The following TENM4 variants were observed in gnomAD, a reference collection of about 807,000 sequenced individuals.
The protein encoded by TENM4 is teneurin-4.
TENM4 carries 82 observed loss-of-function variants against 243.3 expected under a neutral mutation model. That is an observed-to-expected ratio of 0.34 (90% CI 0.28 to 0.40). The LOEUF is 0.40. Among genes scored for constraint, TENM4 ranks in the 10% least tolerant of loss-of-function variants. The pLI, the probability that TENM4 is intolerant of heterozygous loss-of-function variation, is 1.00. For missense variants in TENM4, 3,138 were observed against 3,673.3 expected, an observed-to-expected ratio of 0.85 and a Z score of 3.77; for synonymous variants, 1,412 against 1,456.3, an observed-to-expected ratio of 0.97 and a Z score of 0.69.
In TENM4 at chr11:78,745,569, A is replaced by G. The variant is rs575657630; in HGVS notation, c.2757-6999T>C. On this transcript the variant is annotated intron_variant, in intron 19 of 33. Coordinates refer to ENST00000278550, the MANE Select transcript of TENM4 (RefSeq NM_001098816.3). Reference sequence around the variant, plus strand: ...TGTGGAGTAGATCTTGATCTCCCTCAGAATGCCTCATGTGCTGGTCCAGAC... The same window carrying G: ...TGTGGAGTAGATCTTGATCTCCCTCGGAATGCCTCATGTGCTGGTCCAGAC... Among the ~76,000 whole-genome samples the G allele has an allele frequency of 1.1e-4, 17 of 152,294 alleles. No individual in the cohort carries two copies. The South Asian group carries it at 1.2e-3, about 11-fold the overall frequency.
intron 3 of TENM4, among the ~76,000 whole-genome samples, chr11:79,203,639 G>T (rs1339648055): frequency 6.6e-6 from 1 of 152,214 alleles, no homozygotes; most frequent in Non-Finnish European, 1.5e-5. Flanking sequence ...ATGGGGGATT[G>T]ATTCCAGGAC....
intron 6 of TENM4, among the ~76,000 whole-genome samples, chr11:79,058,531 G>A (rs1455843035): frequency 6.8e-6 from 1 of 147,512 alleles, no homozygotes; most frequent in Non-Finnish European, 1.5e-5. Context: ...ACGACAGAGT[G>A]AGACTCCATC....
chr11:78,727,278 CT>C (rs537083389), intron 22 of TENM4, among the ~76,000 whole-genome samples: 74 of 152,146 alleles, frequency 4.9e-4, no homozygotes, highest in African/African-American at 1.7e-3. Flanking sequence ...GAAACCTCGT[CT>C]CTACTAAAAA....
chr11:78,860,461 C>T (rs1858790476), intron 10 of TENM4, among the ~76,000 whole-genome samples: 2 of 152,206 alleles, frequency 1.3e-5, no homozygotes, highest in Admixed American at 1.3e-4. Context: ...CTTTCTCCAT[C>T]ATTGTGAAGC....
intron 12 of TENM4, among the ~76,000 whole-genome samples, chr11:78,852,525 A>G (rs1045927939): frequency 2.0e-5 from 3 of 151,944 alleles, no homozygotes; most frequent in Non-Finnish European, 4.4e-5. Context: ...TCTACAAAAC[A>G]TACAAAAATT....
intron 6 of TENM4, among the ~76,000 whole-genome samples, chr11:79,033,561 G>T (rs1859302624): frequency 6.6e-6 from 1 of 152,230 alleles, no homozygotes; most frequent in Admixed American, 6.5e-5. Flanking sequence ...CAAAGCACAA[G>T]TTTTCCTGGT....
Position 79,149,565 on chromosome 11 carries a change from A to C in TENM4, c.-162-759T>G, listed in dbSNP as rs548970069. Among the ~76,000 whole-genome samples, 6 of 152,206 alleles carry C rather than the reference A, an allele frequency of 3.9e-5. No individual in the cohort carries two copies. In the East Asian group the frequency reaches 1.2e-3, roughly 29 times the overall value. Reference sequence around the variant, plus strand: ...AATATAGGTTTTTAAAAAACATCTCATCTTTCTGTTACTGAGTTCTAACTT... The same window carrying C: ...AATATAGGTTTTTAAAAAACATCTCCTCTTTCTGTTACTGAGTTCTAACTT... On this transcript the variant is annotated intron_variant, in intron 3 of 33. Transcript: ENST00000278550.
chr11:78,889,234 G>T (rs1182760104), intron 9 of TENM4, among the ~76,000 whole-genome samples: 2 of 152,118 alleles, frequency 1.3e-5, no homozygotes, highest in Non-Finnish European at 1.5e-5. Context: ...AATTTCCCTG[G>T]GTTCCTGACC....
intron 6 of TENM4, among the ~76,000 whole-genome samples, chr11:79,052,085 G>T (rs1226420072): frequency 3.3e-5 from 5 of 152,188 alleles, no homozygotes; most frequent in South Asian, 2.1e-4. Flanking sequence ...ATGAACATAG[G>T]TGTGCATGTA....
chr11:78,898,989 G>A (rs1855860314), intron 7 of TENM4, among the ~76,000 whole-genome samples: 1 of 152,160 alleles, frequency 6.6e-6, no homozygotes, highest in Non-Finnish European at 1.5e-5. Context: ...AGCCTTATGA[G>A]GTGGTGTGGT....
intron 1 of TENM4, among the ~76,000 whole-genome samples, chr11:79,379,059 A>G (rs372567209): frequency 3.3e-5 from 5 of 152,138 alleles, no homozygotes; most frequent in African/African-American, 1.2e-4. Flanking sequence ...AAAATAAGAC[A>G]ATGAGAGTGT....
At chr11:78,880,366 A>T (rs1454693025) in intron 9 of TENM4, among the ~76,000 whole-genome samples, 2 of 150,866 alleles carry the variant, frequency 1.3e-5, no homozygotes, top group African/African-American at 2.5e-5. Context: ...CTTTGTTCAC[A>T]TGTTTATCTG....
intron 29 of TENM4, among the ~76,000 whole-genome samples, chr11:78,686,013 C>G (rs1448112389): frequency 6.6e-6 from 1 of 152,246 alleles, no homozygotes; most frequent in Non-Finnish European, 1.5e-5. Context: ...CTCTGCCTCT[C>G]TCTCTGACCT....
intron 3 of TENM4, among the ~76,000 whole-genome samples, chr11:79,170,585 G>A (rs566932342): frequency 6.6e-6 from 1 of 152,304 alleles, no homozygotes; most frequent in Admixed American, 6.5e-5. Flanking sequence ...TGCACACAGG[G>A]AGAATGTCAT....
Position 79,299,393 on chromosome 11 carries a change from A to G in TENM4, c.-320-1850T>C, listed in dbSNP as rs929371382. Among the ~76,000 whole-genome samples, 7 of 152,302 alleles carry G rather than the reference A, an allele frequency of 4.6e-5. No homozygotes were observed. In the East Asian group the frequency reaches 1.2e-3, roughly 25 times the overall value. On this transcript the variant is annotated intron_variant, in intron 1 of 33. Transcript: ENST00000278550. ...TTCTAACCCACCCCAGTGCCCCAGGAGCGCACTCAGTTTCTGTCCCCATCC... is the reference window on the plus strand; with the variant it reads ...TTCTAACCCACCCCAGTGCCCCAGGGGCGCACTCAGTTTCTGTCCCCATCC...
chr11:79,393,645 AG>A (rs1316877727), intron 1 of TENM4, among the ~76,000 whole-genome samples: 2 of 152,248 alleles, frequency 1.3e-5, no homozygotes, highest in Non-Finnish European at 2.9e-5. Flanking sequence ...GATTTCAGAA[AG>A]CTTGCCCAGA....
At chr11:78,878,696 G>C (rs532777587) in intron 9 of TENM4, among the ~76,000 whole-genome samples, 2 of 152,180 alleles carry the variant, frequency 1.3e-5, no homozygotes, top group African/African-American at 4.8e-5. Flanking sequence ...ACCTGGATGG[G>C]AGCCCTGAAG....
In TENM4 at chr11:79,440,721, C is replaced by T. The variant is rs1166932724; in HGVS notation, c.-533G>A. On this transcript the variant is annotated 5_prime_UTR_variant, in exon 1 of 34. Coordinates refer to ENST00000278550, the MANE Select transcript of TENM4 (RefSeq NM_001098816.3). The surrounding 1 kb of genome is among the most constrained non-coding windows in gnomAD (Gnocchi z 4.7). ...CGGGGAGCGGAGCCCCAGCGAGCCT[C>T]CAGCCGCGCGCGCACGACCGGCTCC... The T allele has an allele frequency of 6.6e-6, 1 of 152,462 alleles. No homozygotes were observed. The highest frequency in any genetic ancestry group is 1.5e-5 in the Non-Finnish European group (1 of 68,364). 9.4% of individuals were successfully genotyped at this position (152,462 alleles called of 1,614,324 possible).
chr11:79,159,663 G>C (rs1207516381), intron 3 of TENM4, among the ~76,000 whole-genome samples: 1 of 152,184 alleles, frequency 6.6e-6, no homozygotes. Context: ...CCTCTAGGTA[G>C]ATAGAGCTCC....
Sources: gnomAD v4.1 joint callset for allele counts (sites outside exome capture counted in the v4.1 genomes callset) on GRCh38, gnomAD v4.1.1 for gene constraint, Gnocchi (gnomAD v3.1) non-coding constraint, MANE v1.5 for transcripts, NCBI Gene and HGNC (gene_info 2026-07-23, HGNC 2026-07-21) for gene names.